TMEM132B: variants seen among roughly 807,000 people sequenced by gnomAD.
The protein encoded by TMEM132B is transmembrane protein 132B.
TMEM132B carries 18 observed loss-of-function variants against 90.8 expected under a neutral mutation model. The observed-to-expected ratio is 0.20, with a 90% CI of 0.14 to 0.29. The LOEUF is 0.29. Ranked by LOEUF, TMEM132B falls within the 10% of genes least tolerant of loss-of-function variation. The pLI, the probability that TMEM132B is intolerant of heterozygous loss-of-function variation, is 1.00. For synonymous variants in TMEM132B, 504 were observed against 523.3 expected (o/e 0.96, Z 0.50); for missense variants, 1,096 against 1,326.8 (o/e 0.83, Z 2.70).
At chr12:125,374,923 T>C (rs1593111353) in intron 2 of TMEM132B, among the ~76,000 whole-genome samples, 1 of 152,150 alleles carries the variant, frequency 6.6e-6, no homozygotes, top group East Asian at 1.9e-4. Flanking sequence ...CAGGGCTAGA[T>C]TGCACAGCTG....
chr12:125,283,434 C>T (rs1458157243), intron 1 of TMEM132B, among the ~76,000 whole-genome samples: 2 of 152,092 alleles, frequency 1.3e-5, no homozygotes, highest in Non-Finnish European at 2.9e-5. Flanking sequence ...GTCTTCTGTT[C>T]CTGCTGTGTA....
intron 1 of TMEM132B, among the ~76,000 whole-genome samples, chr12:125,210,010 T>C (rs1037113066): frequency 3.9e-5 from 6 of 152,148 alleles, no homozygotes; most frequent in African/African-American, 1.4e-4. Context: ...ATCCAGACTC[T>C]GGGGATGTAT....
At position 125,517,302 on chromosome 12, in the gene TMEM132B, A is replaced by T. The variant is rs189281576; in HGVS notation, c.1107-2137A>T. 3.8e-3 allele frequency among the ~76,000 whole-genome samples: 510 copies of T among 133,588 alleles called. 2 individuals are homozygous for T. The highest frequency in any genetic ancestry group is 6.1e-3 in the Non-Finnish European group (390 of 63,936). The allele number at this position is 133,588 out of a possible 152,430, so 87.6% of individuals were successfully genotyped here. On this transcript the variant is annotated intron_variant, in intron 3 of 8. Transcript: ENST00000682704. Reference sequence around the variant, plus strand: ...CAGCCTCCTGAGTAGCTGGGACTACAGGCGCCCGCCACCATGCCCTGCTGA... The same window carrying T: ...CAGCCTCCTGAGTAGCTGGGACTACTGGCGCCCGCCACCATGCCCTGCTGA...
Position 125,277,371 on chromosome 12 carries a change from C to T in TMEM132B, c.68-72081C>T, listed in dbSNP as rs533384414. Among the ~76,000 whole-genome samples, 3 of 151,966 alleles carry T rather than the reference C, an allele frequency of 2.0e-5. No individual in the cohort carries two copies. The South Asian group carries it at 6.2e-4, about 32-fold the overall frequency. On this transcript the variant is annotated intron_variant, in intron 1 of 8. Coordinates refer to ENST00000682704, the MANE Select transcript of TMEM132B (RefSeq NM_001366854.1). This position sits in a 1 kb window ranked among gnomAD's most constrained non-coding sequence, Gnocchi z 4.3. The stretch of plus-strand genomic sequence containing the variant: ...GTGGGCTCCTGTAATCCCAGCTACT[C>T]AGGAGGCTGAGGCTGGAGAATCGCT...
At position 125,349,295 on chromosome 12, in the gene TMEM132B, A is replaced by T. The variant is rs1026083612; in HGVS notation, c.68-157A>T. 2.0e-5 allele frequency among the ~76,000 whole-genome samples: 3 copies of T among 152,134 alleles called. No individual in the cohort carries two copies. Among genetic ancestry groups the T allele is most frequent in the African/African-American group, 7.2e-5 (3 of 41,422 alleles). ...TTTTTGGGAAGATCCTGAAGACCAT[A>T]CTTTATATAATTACAGGGCTTTCAC... is the stretch of plus-strand genomic sequence containing the variant. On this transcript the variant is annotated intron_variant, in intron 1 of 8. Transcript: ENST00000682704. This position sits in a 1 kb window ranked among gnomAD's most constrained non-coding sequence, Gnocchi z 4.1.
Position 125,654,229 on chromosome 12 carries a change from G to A in TMEM132B, c.2771G>A (p.Cys924Tyr). Reference protein sequence around the residue: ...CLAILVFLINCVAFAWKYRHK... With the variant: ...CLAILVFLINYVAFAWKYRHK... ...GCCATTCTGGTCTTCTTGATCAACT[G>A]CGTGGCGTTTGCCTGGAAATACAGA... The change falls in exon 9 of 9, where the codon TGC becomes TAC. Residue 924 changes from cysteine (C) to tyrosine (Y), a missense_variant. Cys to Tyr is a radical substitution (Grantham distance 194). Transcript: ENST00000682704. This position sits in a 1 kb window ranked among gnomAD's most constrained non-coding sequence, Gnocchi z 5.8. 6.2e-7 allele frequency: 1 copy of A among 1,614,214 alleles called. No homozygotes were observed. The highest frequency in any genetic ancestry group is 8.5e-7 in the Non-Finnish European group (1 of 1,180,034).
chr12:125,379,180 C>A (rs1878584769), intron 2 of TMEM132B, among the ~76,000 whole-genome samples: 2 of 152,200 alleles, frequency 1.3e-5, no homozygotes, highest in Non-Finnish European at 2.9e-5. Flanking sequence ...TCACCAGAAC[C>A]TGTGAATATG....
intron 4 of TMEM132B, among the ~76,000 whole-genome samples, chr12:125,530,808 A>G (rs1215073062): frequency 6.6e-6 from 1 of 152,190 alleles, no homozygotes; most frequent in Non-Finnish European, 1.5e-5. Flanking sequence ...GGCTCACCCT[A>G]ATCCAGTATG....
Position 125,332,850 on chromosome 12 carries a change from TA to T in TMEM132B, c.68-16596del, listed in dbSNP as rs891243724. Among the ~76,000 whole-genome samples the T allele has an allele frequency of 4.2e-4, 64 of 152,090 alleles. 1 individual carries two copies. The highest frequency in any genetic ancestry group is 1.5e-3 in the African/African-American group (62 of 41,398). On this transcript the variant is annotated intron_variant, in intron 1 of 8. Coordinates refer to ENST00000682704, the MANE Select transcript of TMEM132B (RefSeq NM_001366854.1). ...TGTGTTGGAAAATAATGAACTGCCTTAAAAAACAAAAAACCAAAAACAAGAA... is the reference window on the plus strand; with the variant it reads ...TGTGTTGGAAAATAATGAACTGCCTTAAAAACAAAAAACCAAAAACAAGAA...
At chr12:125,586,445 C>T (rs1407189624) in intron 5 of TMEM132B, 3 of 151,986 alleles carry the variant, frequency 2.0e-5, no homozygotes, top group African/African-American at 7.2e-5. Context: ...AGTAGTCCTT[C>T]CTTATCTGTG....
intron 3 of TMEM132B, among the ~76,000 whole-genome samples, chr12:125,494,545 C>T (rs963345291): frequency 7.8e-6 from 1 of 127,408 alleles, no homozygotes; most frequent in Non-Finnish European, 1.7e-5. Flanking sequence ...GGCTGTGTCC[C>T]TCCTCCCTCT....
At chr12:125,589,992 C>T (rs1317617529) in intron 5 of TMEM132B, among the ~76,000 whole-genome samples, 1 of 152,134 alleles carries the variant, frequency 6.6e-6, no homozygotes, top group Non-Finnish European at 1.5e-5. Context: ...GCGGATCCCT[C>T]ATGAATGGCT....
chr12:125,265,933 TA>T (rs922660196), intron 1 of TMEM132B, among the ~76,000 whole-genome samples: 3 of 151,738 alleles, frequency 2.0e-5, no homozygotes, highest in Non-Finnish European at 4.4e-5. Flanking sequence ...GATTATATAT[TA>T]AAAAAAACCC....
chr12:125,265,577 A>C (rs1486309047), intron 1 of TMEM132B, among the ~76,000 whole-genome samples: 2 of 152,182 alleles, frequency 1.3e-5, no homozygotes, highest in Admixed American at 6.5e-5. Context: ...GGGCACAAAC[A>C]TCACAAGTGT....
chr12:125,251,929 C>G lies in TMEM132B; in HGVS notation c.67+65063C>G, dbSNP rs924450149. Among the ~76,000 whole-genome samples the G allele has an allele frequency of 1.3e-5, 2 of 152,194 alleles. No homozygotes were observed. Among genetic ancestry groups the G allele is most frequent in the African/African-American group, 4.8e-5 (2 of 41,444 alleles). ...TAGGTGCCACATCTGGCCTGAAGGC[C>G]TTTATGCATGATCTGAAGTTATCTA... On this transcript the variant is annotated intron_variant, in intron 1 of 8. Transcript: ENST00000682704. The surrounding 1 kb of genome is among the most constrained non-coding windows in gnomAD (Gnocchi z 4.4).
At chr12:125,405,648 C>T (rs984166464) in intron 2 of TMEM132B, among the ~76,000 whole-genome samples, 1 of 151,944 alleles carries the variant, frequency 6.6e-6, no homozygotes, top group Non-Finnish European at 1.5e-5. Context: ...GAAATGAGGA[C>T]CCCTACACTC....
intron 2 of TMEM132B, among the ~76,000 whole-genome samples, chr12:125,399,406 G>A (rs1361421227): frequency 6.6e-6 from 1 of 151,846 alleles, no homozygotes; most frequent in African/African-American, 2.4e-5. Flanking sequence ...TTGGGGCCAA[G>A]GCAGAGTTTT....
intron 4 of TMEM132B, among the ~76,000 whole-genome samples, chr12:125,560,881 G>A (rs1884509318): frequency 6.9e-6 from 1 of 145,438 alleles, no homozygotes; most frequent in African/African-American, 2.6e-5. Flanking sequence ...AACAGATGCT[G>A]GAGAGGATGT....
At chr12:125,281,583 C>T (rs1209094578) in intron 1 of TMEM132B, among the ~76,000 whole-genome samples, 1 of 152,168 alleles carries the variant, frequency 6.6e-6, no homozygotes, top group Non-Finnish European at 1.5e-5. Flanking sequence ...ACGGTGAGCA[C>T]TGCATCACGT....
Sources: gnomAD v4.1 joint callset for allele counts (sites outside exome capture counted in the v4.1 genomes callset) on GRCh38, gnomAD v4.1.1 for gene constraint, Gnocchi (gnomAD v3.1) non-coding constraint, MANE v1.5 for transcripts, NCBI Gene and HGNC (gene_info 2026-07-23, HGNC 2026-07-21) for gene names.